Variants in ABCA13 observed in about 807,000 individuals in gnomAD.
ABCA13 encodes the protein ATP binding cassette subfamily A member 13, also known as ATP-binding cassette sub-family A member 13.
In ABCA13, 476 loss-of-function variants were observed where a neutral mutation model predicts 478.7. The observed-to-expected ratio is 0.99, with a 90% CI of 0.92 to 1.07. ABCA13 has a LOEUF of 1.07. ABCA13 is among the 50% of genes least tolerant of loss of function. The pLI is 0.00. For missense variants in ABCA13, 6,060 were observed against 5,910.6 expected (o/e 1.03, Z -0.83); for synonymous variants, 2,252 against 2,158.9 (o/e 1.04, Z -1.20).
chr7:48,498,562 A>G (rs1363640085), intron 48 of ABCA13, among the ~76,000 whole-genome samples: 1 of 152,096 alleles, frequency 6.6e-6, no homozygotes, highest in Non-Finnish European at 1.5e-5. Flanking sequence ...TGCTCCATCT[A>G]GGAGGACTAT....
chr7:48,636,417 T>C (rs1794640110), intron 59 of ABCA13, among the ~76,000 whole-genome samples: 1 of 152,220 alleles, frequency 6.6e-6, no homozygotes, highest in Admixed American at 6.5e-5. Flanking sequence ...CTTGATTCAC[T>C]TTCATAACTC....
chr7:48,201,586 G>A (rs1798730167), intron 3 of ABCA13, among the ~76,000 whole-genome samples: 1 of 152,154 alleles, frequency 6.6e-6, no homozygotes, highest in Non-Finnish European at 1.5e-5. Flanking sequence ...TGGGCGTGGT[G>A]GCAGGCACCT....
rs754879099 is a variant in ABCA13 at position 48,372,240 on chromosome 7, A to T, written c.10876A>T (p.Thr3626Ser). Residue 3626 changes from threonine to serine, a missense_variant, in exon 33 of 62, where the codon ACC becomes TCC. Transcript: ENST00000435803. ...GTTCCTGGAGAACATGGCTGTGTTG[A>T]CCATAAGCAGTGCTACTCTGGCCAT... Reference protein sequence around the residue: ...AWFLENMAVLTISSATLAIVL... With the variant: ...AWFLENMAVLSISSATLAIVL... 1.3e-5 allele frequency: 21 copies of T among 1,613,876 alleles called. No individual in the cohort carries two copies. Among genetic ancestry groups the T allele is most frequent in the Non-Finnish European group, 1.8e-5 (21 of 1,179,846 alleles).
Position 48,276,051 on chromosome 7 carries a change from T to G in ABCA13, c.6385T>G (p.Trp2129Gly), listed in dbSNP as rs1256241140. ...IEDFLLVTKN[W>G]LQEYANEDYS... Reference sequence around the variant, plus strand: ...AGATTTTCTATTGGTCACAAAAAACTGGCTTCAGGAATATGCAAATGAGGA... The same window carrying G: ...AGATTTTCTATTGGTCACAAAAAACGGGCTTCAGGAATATGCAAATGAGGA... Residue 2129 changes from tryptophan to glycine, a missense_variant, in exon 17 of 62, where the codon TGG becomes GGG. Transcript: ENST00000435803. The G allele has an allele frequency of 1.2e-6, 2 of 1,607,720 alleles. No homozygotes were observed. The highest frequency in any genetic ancestry group is 1.3e-5 in the African/African-American group (1 of 74,812).
intron 29 of ABCA13, among the ~76,000 whole-genome samples, chr7:48,345,573 A>G (rs1465419326): frequency 1.3e-5 from 2 of 152,212 alleles, no homozygotes; most frequent in Non-Finnish European, 2.9e-5. Flanking sequence ...AGCTCATAGA[A>G]TAAGGATGTA....
intron 51 of ABCA13, among the ~76,000 whole-genome samples, chr7:48,514,455 C>T (rs999572469): frequency 6.6e-6 from 1 of 152,118 alleles, no homozygotes. Flanking sequence ...ACGTGCTGTT[C>T]CAGAATATAG....
intron 17 of ABCA13, among the ~76,000 whole-genome samples, chr7:48,277,530 A>G (rs1796461354): frequency 6.6e-6 from 1 of 152,232 alleles, no homozygotes; most frequent in Admixed American, 6.5e-5. Context: ...AATAGCTGGG[A>G]GAAGATGTAC....
chr7:48,229,176 T>G (rs1314990630), intron 6 of ABCA13, among the ~76,000 whole-genome samples: 2 of 152,200 alleles, frequency 1.3e-5, no homozygotes, highest in Admixed American at 6.5e-5. Context: ...ATATTCCAAC[T>G]TCTGTTGAGT....
intron 59 of ABCA13, among the ~76,000 whole-genome samples, chr7:48,617,922 G>A (rs1246728200): frequency 6.6e-6 from 1 of 152,176 alleles, no homozygotes; most frequent in Non-Finnish European, 1.5e-5. Context: ...TCCGTGGCAA[G>A]TAGGGACAGA....
chr7:48,368,700 TATATATATATATATACACATACAC>T lies in ABCA13; in HGVS notation c.10803+794_10803+817del, dbSNP rs1475538999. On this transcript the variant is annotated intron_variant, in intron 32 of 61. Coordinates refer to ENST00000435803, the MANE Select transcript of ABCA13 (RefSeq NM_152701.5). ...GTGTGTGTATGTGTATATATATATA[TATATATATATATATACACATACAC>T]ACACACATTTATATATATACATTTA... is the stretch of plus-strand genomic sequence containing the variant. Among the ~76,000 whole-genome samples the T allele has an allele frequency of 1.5e-4, 21 of 140,968 alleles. 1 individual carries two copies. Among genetic ancestry groups the T allele is most frequent in the Non-Finnish European group, 3.3e-4 (21 of 64,526 alleles). 92.5% of individuals were successfully genotyped at this position (140,968 alleles called of 152,430 possible).
At chr7:48,330,363 A>AT in intron 27 of ABCA13, among the ~76,000 whole-genome samples, 1 of 151,724 alleles carries the variant, frequency 6.6e-6, no homozygotes, top group East Asian at 1.9e-4. Context: ...CCATCCATCC[A>AT]CCCATCCATC....
At chr7:48,261,094 C>T (rs1477145009) in intron 15 of ABCA13, among the ~76,000 whole-genome samples, 1 of 151,786 alleles carries the variant, frequency 6.6e-6, no homozygotes, top group East Asian at 1.9e-4. Context: ...ATATTCAATC[C>T]AGCATGCCAA....
At chr7:48,359,491 A>T (rs1484136139) in intron 31 of ABCA13, among the ~76,000 whole-genome samples, 3 of 151,820 alleles carry the variant, frequency 2.0e-5, no homozygotes, top group Admixed American at 6.5e-5. Context: ...TGAAAAGGAA[A>T]GGGAGGATAA....
At chr7:48,223,798 A>T (rs1177797392) in intron 5 of ABCA13, among the ~76,000 whole-genome samples, 2 of 152,016 alleles carry the variant, frequency 1.3e-5, no homozygotes, top group Non-Finnish European at 2.9e-5. Flanking sequence ...CTCTACTAAA[A>T]ATACAAGAAT....
At chr7:48,254,220 A>C (rs1480535823) in intron 15 of ABCA13, among the ~76,000 whole-genome samples, 1 of 151,816 alleles carries the variant, frequency 6.6e-6, no homozygotes, top group Admixed American at 6.6e-5. Flanking sequence ...TATCTATTGT[A>C]TGCTTTTCCT....
chr7:48,294,844 T>A (rs924026828), intron 20 of ABCA13, among the ~76,000 whole-genome samples: 2 of 152,228 alleles, frequency 1.3e-5, no homozygotes, highest in African/African-American at 4.8e-5. Flanking sequence ...ACTTAGCATA[T>A]CTTCTGGGTT....
At position 48,372,466 on chromosome 7, in the gene ABCA13, A is replaced by G. The variant is rs759344761; in HGVS notation, c.11102A>G (p.Asn3701Ser). 4 of 1,589,942 alleles carry G rather than the reference A, an allele frequency of 2.5e-6. No individual in the cohort carries two copies. The highest frequency in any genetic ancestry group is 3.4e-6 in the Non-Finnish European group (4 of 1,165,352). The change falls in exon 33 of 62, where the codon AAC becomes AGC. Residue 3701 changes from asparagine to serine, a missense_variant. Coordinates refer to ENST00000435803, the MANE Select transcript of ABCA13 (RefSeq NM_152701.5). ...TACATAGTTCTATTGGTTCTACATA[A>G]CCAATTAAGTTTTGTTAATCAGACA... ...LPYIVLLVLH[N>S]QLSFVNQTFL... is the part of the protein sequence containing the mutation.
chr7:48,564,164 A>C (rs1786779148), intron 55 of ABCA13, among the ~76,000 whole-genome samples: 1 of 152,108 alleles, frequency 6.6e-6, no homozygotes, highest in African/African-American at 2.4e-5. Context: ...CACATCTCTC[A>C]GATCTAATCT....
chr7:48,382,036 T>C (rs1056730900), intron 35 of ABCA13, among the ~76,000 whole-genome samples: 2 of 152,230 alleles, frequency 1.3e-5, no homozygotes, highest in East Asian at 1.9e-4. Context: ...ATGGCTGAGA[T>C]GGTTTAATTA....
Sources: allele counts gnomAD v4.1 joint callset (sites outside exome capture counted in the v4.1 genomes callset), GRCh38; gene constraint gnomAD v4.1.1; transcripts MANE v1.5; gene names NCBI Gene and HGNC (gene_info 2026-07-23, HGNC 2026-07-21).